KCNMA1: variants seen among roughly 807,000 people sequenced by gnomAD.
KCNMA1 encodes the protein potassium calcium-activated channel subfamily M alpha 1.
KCNMA1 carries 29 observed loss-of-function variants against 140.0 expected under a neutral mutation model. The observed-to-expected ratio is 0.21, with a 90% confidence interval of 0.15 to 0.28. The LOEUF (loss-of-function observed/expected upper bound fraction) is 0.28, where lower values mean the gene tolerates loss of function less well. Ranked by LOEUF, KCNMA1 falls within the 10% of genes least tolerant of loss-of-function variation. The pLI, the probability that KCNMA1 is intolerant of heterozygous loss-of-function variation, is 1.00. For synonymous variants in KCNMA1, 612 were observed against 611.9 expected, an observed-to-expected ratio of 1.00 and a Z score of 0.00; for missense variants, 880 against 1,602.2, an observed-to-expected ratio of 0.55 and a Z score of 7.70.
intron 5 of KCNMA1, among the ~76,000 whole-genome samples, chr10:77,125,354 C>T (rs2097709845): frequency 6.6e-6 from 1 of 152,222 alleles, no homozygotes; most frequent in Non-Finnish European, 1.5e-5. Context: ...TACTGTCACT[C>T]CTACTACTGT....
chr10:77,378,576 G>T (rs974804901), intron 2 of KCNMA1, among the ~76,000 whole-genome samples: 1 of 152,190 alleles, frequency 6.6e-6, no homozygotes, highest in African/African-American at 2.4e-5. Flanking sequence ...TTTGCATTGG[G>T]TCTACAGCCA....
chr10:77,438,668 G>C lies in KCNMA1; in HGVS notation c.379-34645C>G, dbSNP rs766147459. ...TTACAAATGAGGAAACTGAGGCTCA[G>C]AGACATTAAGTAATTTGCCCAAGGT... On this transcript the variant is annotated intron_variant, in intron 1 of 27. Coordinates refer to ENST00000286628, the MANE Select transcript of KCNMA1 (RefSeq NM_001161352.2). Among the ~76,000 whole-genome samples, 4 of 152,132 alleles carry C rather than the reference G, an allele frequency of 2.6e-5. No individual in the cohort carries two copies. The South Asian group carries it at 6.2e-4, about 24-fold the overall frequency.
intron 1 of KCNMA1, among the ~76,000 whole-genome samples, chr10:77,562,422 C>T (rs187484794): frequency 6.6e-6 from 1 of 152,308 alleles, no homozygotes; most frequent in Non-Finnish European, 1.5e-5. Flanking sequence ...TTGTCAGAAA[C>T]AGTAAAACTG....
intron 20 of KCNMA1, among the ~76,000 whole-genome samples, chr10:76,962,591 T>G (rs761352629): frequency 6.6e-6 from 1 of 152,212 alleles, no homozygotes; most frequent in East Asian, 1.9e-4. Flanking sequence ...CAAGTGTTCC[T>G]CATAAAGCCA....
At chr10:77,065,417 G>A (rs954341586) in intron 14 of KCNMA1, among the ~76,000 whole-genome samples, 2 of 152,274 alleles carry the variant, frequency 1.3e-5, no homozygotes, top group Non-Finnish European at 2.9e-5. Context: ...AGAATATGAA[G>A]TGGGACATCT....
intron 23 of KCNMA1, among the ~76,000 whole-genome samples, chr10:76,920,320 GCTTA>G (rs1384609177): frequency 1.3e-5 from 2 of 151,940 alleles, no homozygotes; most frequent in Admixed American, 1.3e-4. Flanking sequence ...CTTACTGAGT[GCTTA>G]CTATGTACTG....
chr10:77,161,686 G>A (rs1438912514), intron 5 of KCNMA1, among the ~76,000 whole-genome samples: 2 of 152,198 alleles, frequency 1.3e-5, no homozygotes, highest in Non-Finnish European at 2.9e-5. Flanking sequence ...CATGTATCTT[G>A]TAGTCAACGC....
At chr10:77,361,791 A>T (rs1374897022) in intron 2 of KCNMA1, among the ~76,000 whole-genome samples, 1 of 152,230 alleles carries the variant, frequency 6.6e-6, no homozygotes, top group Non-Finnish European at 1.5e-5. Context: ...TGGCTGGCCC[A>T]GAAGAGTCCA....
chr10:77,198,568 G>GATATATAT (rs3998087), intron 3 of KCNMA1, among the ~76,000 whole-genome samples: 3,053 of 138,286 alleles, frequency 0.022, 47 homozygotes, highest in Middle Eastern at 0.049. Context: ...ATATATATGT[G>GATATATAT]ATATATATAT....
intron 3 of KCNMA1, among the ~76,000 whole-genome samples, chr10:77,210,570 C>T (rs1365452716): frequency 6.6e-6 from 1 of 152,120 alleles, no homozygotes; most frequent in African/African-American, 2.4e-5. Flanking sequence ...CCTGAGCAAC[C>T]AGGCAAGAGA....
At chr10:77,277,812 A>G (rs1051299051) in intron 2 of KCNMA1, among the ~76,000 whole-genome samples, 2 of 152,190 alleles carry the variant, frequency 1.3e-5, no homozygotes, top group Non-Finnish European at 1.5e-5. Context: ...CAAGTACCAC[A>G]ATTGGAGAAG....
intron 1 of KCNMA1, among the ~76,000 whole-genome samples, chr10:77,604,173 A>C (rs1315303891): frequency 6.6e-6 from 1 of 152,230 alleles, no homozygotes; most frequent in South Asian, 2.1e-4. Flanking sequence ...CCTCTAGTCT[A>C]GGTGACAATC....
intron 1 of KCNMA1, among the ~76,000 whole-genome samples, chr10:77,484,956 G>A (rs2098444099): frequency 6.6e-6 from 1 of 152,100 alleles, no homozygotes; most frequent in South Asian, 2.1e-4. Context: ...GCACAAAATC[G>A]CTCCAAGAAA....
At chr10:77,020,086 A>C (rs1046424136) in intron 16 of KCNMA1, 1 of 152,228 alleles carries the variant, frequency 6.6e-6, no homozygotes, top group African/African-American at 2.4e-5. Flanking sequence ...TACTGAATTC[A>C]GGGATTCTGA....
At chr10:77,306,046 G>A (rs554367561) in intron 2 of KCNMA1, among the ~76,000 whole-genome samples, 1 of 152,172 alleles carries the variant, frequency 6.6e-6, no homozygotes, top group Non-Finnish European at 1.5e-5. Context: ...TTCACCCCCA[G>A]TGGTGCTCTG....
Position 77,421,470 on chromosome 10 carries a change from T to C in KCNMA1, c.379-17447A>G, listed in dbSNP as rs150420445. Reference sequence around the variant, plus strand: ...CAAATTGTTTCTGTAAAGGGCCAGATAGGAAATATTTTAGGCTTTAGCATA... The same window carrying C: ...CAAATTGTTTCTGTAAAGGGCCAGACAGGAAATATTTTAGGCTTTAGCATA... On this transcript the variant is annotated intron_variant, in intron 1 of 27. Transcript: ENST00000286628. Among the ~76,000 whole-genome samples the C allele has an allele frequency of 2.2e-3, 334 of 152,318 alleles. 1 individual carries two copies. The highest frequency in any genetic ancestry group is 0.01 in the Middle Eastern group (3 of 294).
In KCNMA1 at chr10:77,236,453, G is replaced by A. The variant is rs531777020; in HGVS notation, c.602+14742C>T. ...ATGTCAGAGGGAGGATGGTCTTGGGGACTGCTCACCCCATGCCCCTCTTCT... is the reference window on the plus strand; with the variant it reads ...ATGTCAGAGGGAGGATGGTCTTGGGAACTGCTCACCCCATGCCCCTCTTCT... On this transcript the variant is annotated intron_variant, in intron 3 of 27. Transcript: ENST00000286628. 3.3e-5 allele frequency among the ~76,000 whole-genome samples: 5 copies of A among 152,238 alleles called. No homozygotes were observed. In the South Asian group the frequency reaches 8.3e-4, roughly 25 times the overall value.
intron 2 of KCNMA1, among the ~76,000 whole-genome samples, chr10:77,305,700 C>T (rs2077529236): frequency 6.6e-6 from 1 of 152,078 alleles, no homozygotes; most frequent in Non-Finnish European, 1.5e-5. Context: ...AGCCCTAAGC[C>T]CCAGCTGCTC....
chr10:77,461,047 A>C (rs1243350452), intron 1 of KCNMA1, among the ~76,000 whole-genome samples: 4 of 152,156 alleles, frequency 2.6e-5, no homozygotes, highest in Non-Finnish European at 5.9e-5. Context: ...CAGAGGTTGC[A>C]GTAAGCCAAG....
Sources: allele counts gnomAD v4.1 joint callset (sites outside exome capture counted in the v4.1 genomes callset), GRCh38; gene constraint gnomAD v4.1.1; transcripts MANE v1.5; gene names NCBI Gene and HGNC (gene_info 2026-07-23, HGNC 2026-07-21).